The following ANKRD44 variants were observed in gnomAD, a reference collection of about 807,000 sequenced individuals.
The protein encoded by ANKRD44 is ankyrin repeat domain 44, also known as serine/threonine-protein phosphatase 6 regulatory ankyrin repeat subunit B.
A neutral mutation model predicts 116.0 loss-of-function variants in ANKRD44; 35 were observed. The ratio of observed to expected loss-of-function variants is 0.30; its 90% CI spans 0.23 to 0.40. The LOEUF (loss-of-function observed/expected upper bound fraction) is 0.40, where lower values mean the gene tolerates loss of function less well. ANKRD44 is among the 10% of genes least tolerant of loss of function. The probability of loss-of-function intolerance (pLI) is 1.00; values close to 1 mark genes in which losing one functional copy is unlikely to be tolerated. For missense variants in ANKRD44, 1,014 were observed against 1,242.6 expected (o/e 0.82, Z 2.77); for synonymous variants, 435 against 461.8 (o/e 0.94, Z 0.74).
intron 1 of ANKRD44, among the ~76,000 whole-genome samples, chr2:197,237,043 A>C (rs2081993526): frequency 6.6e-6 from 1 of 152,204 alleles, no homozygotes; most frequent in Admixed American, 6.5e-5. Flanking sequence ...AATGGTGTAG[A>C]ACGGAGCTGA....
chr2:197,194,077 T>C (rs2080890446), intron 1 of ANKRD44, among the ~76,000 whole-genome samples: 1 of 152,124 alleles, frequency 6.6e-6, no homozygotes, highest in Non-Finnish European at 1.5e-5. Context: ...CTTGAAAGAT[T>C]TCCTAAAATA....
Position 197,034,508 on chromosome 2 carries a change from C to T in ANKRD44, c.1651-9241G>A, listed in dbSNP as rs2076772719. On this transcript the variant is annotated intron_variant, in intron 16 of 27. Transcript: ENST00000282272. The stretch of plus-strand genomic sequence containing the variant: ...ACTTCTATTGGCACAATAAACTTTG[C>T]ACTCATTCCAAGGACTGACTTGGTC... 2.7e-5 allele frequency among the ~76,000 whole-genome samples: 4 copies of T among 148,946 alleles called. No homozygotes were observed. The South Asian group carries it at 8.8e-4, about 33-fold the overall frequency.
chr2:197,049,878 T>A (rs2125004943), intron 16 of ANKRD44, among the ~76,000 whole-genome samples: 1 of 152,318 alleles, frequency 6.6e-6, no homozygotes, highest in South Asian at 2.1e-4. Flanking sequence ...TTACTCTTCC[T>A]TCTAAGCTAA....
intron 2 of ANKRD44, among the ~76,000 whole-genome samples, chr2:197,153,722 A>G (rs1247464532): frequency 6.6e-6 from 1 of 152,194 alleles, no homozygotes; most frequent in Non-Finnish European, 1.5e-5. Flanking sequence ...ACATTTTTCT[A>G]TGTCTCCTTC....
intron 1 of ANKRD44, among the ~76,000 whole-genome samples, chr2:197,234,194 A>ATTTT (rs11436827): frequency 1.4e-5 from 2 of 144,428 alleles, no homozygotes; most frequent in Non-Finnish European, 3.0e-5. Context: ...TAAGTCATAG[A>ATTTT]TTTTTTTTTT....
chr2:196,967,386 G>T (rs2075681100), exon 22 of ANKRD44: 1 of 468,612 alleles, frequency 2.1e-6, no homozygotes. Context: ...TTCATAATTG[G>T]TCCCTCAGGG....
At chr2:197,114,868 AT>A (rs1229864964) in intron 8 of ANKRD44, among the ~76,000 whole-genome samples, 1 of 152,142 alleles carries the variant, frequency 6.6e-6, no homozygotes, top group African/African-American at 2.4e-5. Flanking sequence ...ACATTGTCCA[AT>A]TTATTTTGTT....
At chr2:197,004,328 GA>G (rs1171039205) in intron 21 of ANKRD44, among the ~76,000 whole-genome samples, 2 of 151,920 alleles carry the variant, frequency 1.3e-5, no homozygotes, top group East Asian at 1.9e-4. Context: ...TCTCTAAGTG[GA>G]AAAAAACATC....
chr2:197,181,149 G>C (rs2080494558), intron 2 of ANKRD44, among the ~76,000 whole-genome samples: 1 of 152,172 alleles, frequency 6.6e-6, no homozygotes, highest in Non-Finnish European at 1.5e-5. Context: ...GAACTGGAGA[G>C]AGTAAGCAAA....
intron 1 of ANKRD44, among the ~76,000 whole-genome samples, chr2:197,284,495 G>T (rs2083349241): frequency 7.5e-6 from 1 of 133,916 alleles, no homozygotes; most frequent in African/African-American, 2.9e-5. Flanking sequence ...CACGGCAACA[G>T]AGAGTCAAAC....
chr2:197,274,347 C>A (rs2083011938), intron 1 of ANKRD44, among the ~76,000 whole-genome samples: 1 of 152,160 alleles, frequency 6.6e-6, no homozygotes, highest in South Asian at 2.1e-4. Context: ...CTATGGCAGA[C>A]TGAAATGACC....
chr2:197,065,619 T>A (rs2077414883), intron 16 of ANKRD44, among the ~76,000 whole-genome samples: 1 of 152,046 alleles, frequency 6.6e-6, no homozygotes, highest in Non-Finnish European at 1.5e-5. Flanking sequence ...AAAGGGGATA[T>A]CACCACCAAT....
intron 1 of ANKRD44, chr2:197,302,337 G>A (rs1435151148): frequency 6.6e-6 from 1 of 152,294 alleles, no homozygotes; most frequent in Non-Finnish European, 1.5e-5. Flanking sequence ...CAGACGGAAG[G>A]AGACCAGTCA....
At chr2:197,200,288 A>C (rs1304699752) in intron 1 of ANKRD44, among the ~76,000 whole-genome samples, 2 of 152,320 alleles carry the variant, frequency 1.3e-5, no homozygotes, top group East Asian at 1.9e-4. Context: ...AAAGGCTAAG[A>C]AGCCAGAGTG....
chr2:196,984,741 G>A (rs115593843), downstream of ANKRD44, among the ~76,000 whole-genome samples: 3 of 152,164 alleles, frequency 2.0e-5, no homozygotes, highest in Non-Finnish European at 4.4e-5. Context: ...TCCTTGAAAG[G>A]GTGAGTTCAG....
chr2:197,142,870 T>C (rs1412428898), intron 3 of ANKRD44, among the ~76,000 whole-genome samples: 2 of 152,026 alleles, frequency 1.3e-5, no homozygotes, highest in African/African-American at 4.8e-5. Flanking sequence ...CCAGATGTGG[T>C]GGCTCATGCC....
chr2:197,014,448 A>AGT (rs1442189804), intron 17 of ANKRD44, among the ~76,000 whole-genome samples: 1 of 152,322 alleles, frequency 6.6e-6, no homozygotes, highest in East Asian at 1.9e-4. Flanking sequence ...CACTCCATGT[A>AGT]GCAGCACTAA....
chr2:196,993,695 C>T (rs1415523732), intron 26 of ANKRD44, 21 bp from the exon 27 acceptor site: 21 of 1,545,720 alleles, frequency 1.4e-5, no homozygotes, highest in Non-Finnish European at 1.8e-5. Context: ...CAAGACCGAG[C>T]ATCAGTTGTG....
intron 21 of ANKRD44, among the ~76,000 whole-genome samples, chr2:196,967,789 T>C (rs2075684569): frequency 6.6e-6 from 1 of 152,236 alleles, no homozygotes; most frequent in Admixed American, 6.5e-5. Context: ...AGGTTTATGC[T>C]ATCTTCTCGA....
Sources: allele counts gnomAD v4.1 joint callset (sites outside exome capture counted in the v4.1 genomes callset), GRCh38; gene constraint gnomAD v4.1.1; transcripts MANE v1.5; gene names NCBI Gene and HGNC (gene_info 2026-07-23, HGNC 2026-07-21).